Variants in SMOC1 observed in about 807,000 individuals in gnomAD.
SMOC1 encodes SPARC related modular calcium binding 1.
A neutral mutation model predicts 56.3 loss-of-function variants in SMOC1; 22 were observed. That is an observed-to-expected ratio of 0.39 (90% CI 0.28 to 0.56). The LOEUF is 0.56. SMOC1 is among the 20% of genes least tolerant of loss of function. SMOC1 has a pLI of 0.61. For missense variants in SMOC1, 509 were observed against 565.4 expected, an observed-to-expected ratio of 0.90 and a Z score of 1.01; for synonymous variants, 193 against 215.0, an observed-to-expected ratio of 0.90 and a Z score of 0.89.
At chr14:69,915,705 C>T (rs1224512048) in intron 1 of SMOC1, among the ~76,000 whole-genome samples, 1 of 152,200 alleles carries the variant, frequency 6.6e-6, no homozygotes. Flanking sequence ...GGCTAATGTG[C>T]AGATACAGGC....
Position 69,915,219 on chromosome 14 carries a change from A to G in SMOC1, c.99+35442A>G, listed in dbSNP as rs188121030. On this transcript the variant is annotated intron_variant, in intron 1 of 11. Coordinates refer to ENST00000361956, the MANE Select transcript of SMOC1 (RefSeq NM_001034852.3). ...CCAACACATTGGTCCTCCTTCTTCA[A>G]TCTCAGCCTTGCTTCCTCTTTCACT... is the stretch of plus-strand genomic sequence containing the variant. Among the ~76,000 whole-genome samples, 195 of 152,246 alleles carry G rather than the reference A, an allele frequency of 1.3e-3. 1 individual carries two copies. Among genetic ancestry groups the G allele is most frequent in the African/African-American group, 3.6e-3 (151 of 41,542 alleles).
rs1209236392 is a variant in SMOC1, at chr14:69,994,592, T to C, written c.664+112T>C. 4 of 845,246 alleles carry C rather than the reference T, an allele frequency of 4.7e-6. No homozygotes were observed. The African/African-American group carries it at 6.7e-5, about 14-fold the overall frequency. 52.4% of individuals were successfully genotyped at this position (845,246 alleles called of 1,614,324 possible). A position where few individuals can be genotyped will look rare whatever the true frequency, so the allele number is the denominator to read the frequency against. On this transcript the variant is annotated intron_variant, in intron 7 of 11. Transcript: ENST00000361956. ...AAAAATCATTTAATCTGTCTGGTTG[T>C]CAATTTCTATAGCTATAAAATAAAG...
At chr14:70,029,856 C>T (rs1171649564) in intron 11 of SMOC1, among the ~76,000 whole-genome samples, 3 of 152,220 alleles carry the variant, frequency 2.0e-5, no homozygotes, top group Admixed American at 2.0e-4. Context: ...CTGCCATCCC[C>T]ACCTGTAAAC....
At chr14:69,934,290 T>C (rs1480040490) in intron 1 of SMOC1, among the ~76,000 whole-genome samples, 1 of 152,208 alleles carries the variant, frequency 6.6e-6, no homozygotes, top group Non-Finnish European at 1.5e-5. Flanking sequence ...GATTGACGAC[T>C]GGGGTATTGT....
At chr14:69,926,998 C>T (rs975954537) in intron 1 of SMOC1, among the ~76,000 whole-genome samples, 1 of 152,186 alleles carries the variant, frequency 6.6e-6, no homozygotes, top group Admixed American at 6.5e-5. Context: ...CCGTGCCAGG[C>T]CCAATTCTAA....
intron 1 of SMOC1, among the ~76,000 whole-genome samples, chr14:69,917,407 T>C (rs1399865255): frequency 6.6e-6 from 1 of 152,218 alleles, no homozygotes; most frequent in Non-Finnish European, 1.5e-5. Flanking sequence ...TACTTGCTTC[T>C]AGAATTTCAC....
chr14:69,887,260 A>G (rs952423116), intron 1 of SMOC1, among the ~76,000 whole-genome samples: 2 of 151,302 alleles, frequency 1.3e-5, no homozygotes, highest in Admixed American at 1.3e-4. Context: ...ATTAAAAAAA[A>G]GTTTTTAGGA....
intron 11 of SMOC1, 72 bp from the exon 12 acceptor site, chr14:70,030,170 A>G: frequency 2.5e-6 from 4 of 1,602,848 alleles, no homozygotes; most frequent in South Asian, 2.2e-5. Context: ...CACAAGCCCA[A>G]CTCTAACTTC....
intron 5 of SMOC1, among the ~76,000 whole-genome samples, chr14:69,987,803 G>C (rs1436320736): frequency 6.6e-6 from 1 of 152,150 alleles, no homozygotes; most frequent in Non-Finnish European, 1.5e-5. Flanking sequence ...ACTTCCAGCT[G>C]TCTGTGCGTG....
intron 11 of SMOC1, among the ~76,000 whole-genome samples, chr14:70,030,025 T>C (rs543146594): frequency 8.7e-4 from 132 of 152,260 alleles, no homozygotes; most frequent in Non-Finnish European, 1.5e-3. Context: ...TGGTGCCTCA[T>C]AGTGGCAAAG....
intron 7 of SMOC1, among the ~76,000 whole-genome samples, chr14:70,000,926 G>T (rs952854420): frequency 4.6e-5 from 7 of 152,196 alleles, no homozygotes; most frequent in Admixed American, 3.3e-4. Context: ...CAGGGATATG[G>T]GGTGGACGGT....
At chr14:69,996,335 T>TCTCA (rs1884765194) in intron 7 of SMOC1, among the ~76,000 whole-genome samples, 1 of 152,238 alleles carries the variant, frequency 6.6e-6, no homozygotes, top group Non-Finnish European at 1.5e-5. Flanking sequence ...ATAGCTATTG[T>TCTCA]TCTTGTCTCC....
At chr14:69,905,539 AT>A (rs1455199249) in intron 1 of SMOC1, among the ~76,000 whole-genome samples, 1 of 152,154 alleles carries the variant, frequency 6.6e-6, no homozygotes. Flanking sequence ...TTTTAGAAAG[AT>A]CAAGCAGTGA....
At chr14:69,968,156 G>C (rs896714687) in intron 3 of SMOC1, among the ~76,000 whole-genome samples, 1 of 152,200 alleles carries the variant, frequency 6.6e-6, no homozygotes, top group African/African-American at 2.4e-5. Context: ...AAAACTACTT[G>C]TTTCTTGAGT....
intron 7 of SMOC1, among the ~76,000 whole-genome samples, chr14:70,005,807 C>A (rs999937230): frequency 6.6e-6 from 1 of 152,140 alleles, no homozygotes; most frequent in African/African-American, 2.4e-5. Context: ...TCCATGCCCC[C>A]CTGGACAGCC....
intron 1 of SMOC1, among the ~76,000 whole-genome samples, chr14:69,945,411 G>A (rs111664179): frequency 1.3e-5 from 2 of 152,116 alleles, no homozygotes; most frequent in East Asian, 3.9e-4. Context: ...CAGAAGTTTG[G>A]TGCCAAAGAA....
intron 1 of SMOC1, among the ~76,000 whole-genome samples, chr14:69,922,584 C>G (rs1351756568): frequency 6.6e-6 from 1 of 152,202 alleles, no homozygotes; most frequent in Non-Finnish European, 1.5e-5. Flanking sequence ...AGAAATGCAG[C>G]CTCCAGCATC....
intron 10 of SMOC1, among the ~76,000 whole-genome samples, chr14:70,022,350 A>G (rs905348638): frequency 6.6e-6 from 1 of 152,210 alleles, no homozygotes; most frequent in African/African-American, 2.4e-5. Context: ...TAACTTGATG[A>G]GGGGCTGTGT....
rs1883566968 is a variant in SMOC1 at position 69,879,449 on chromosome 14, G to T, written c.-230G>T. 7 of 384,684 alleles carry T rather than the reference G, an allele frequency of 1.8e-5. No homozygotes were observed. Among genetic ancestry groups the T allele is most frequent in the Non-Finnish European group, 3.2e-5 (7 of 219,740 alleles). The allele number at this position is 384,684 out of a possible 1,614,324, so 23.8% of individuals were successfully genotyped here. A position where few individuals can be genotyped will look rare whatever the true frequency, so the allele number is the denominator to read the frequency against. On this transcript the variant is annotated 5_prime_UTR_variant, in exon 1 of 12. Coordinates refer to ENST00000361956, the MANE Select transcript of SMOC1 (RefSeq NM_001034852.3). ...AACCTGCTGCCGCCTGGGCCCCGCC[G>T]AGCGGAGCTAGCGCCGCGCGCAGAG...
Sources: gnomAD v4.1 joint callset for allele counts (sites outside exome capture counted in the v4.1 genomes callset) on GRCh38, gnomAD v4.1.1 for gene constraint, MANE v1.5 for transcripts, NCBI Gene and HGNC (gene_info 2026-07-23, HGNC 2026-07-21) for gene names.